PEAK1: variants seen among roughly 807,000 people sequenced by gnomAD.
PEAK1 encodes pseudopodium enriched atypical kinase 1, also known as inactive tyrosine-protein kinase PEAK1.
In PEAK1, 54 loss-of-function variants were observed where a neutral mutation model predicts 124.7. That is an observed-to-expected ratio of 0.43 (90% CI 0.35 to 0.54). The LOEUF (loss-of-function observed/expected upper bound fraction) is 0.54. Ranked by LOEUF, PEAK1 falls within the 20% of genes least tolerant of loss-of-function variation. The pLI, the probability that PEAK1 is intolerant of heterozygous loss-of-function variation, is 0.01. For missense variants in PEAK1, 2,046 were observed against 2,134.5 expected, an observed-to-expected ratio of 0.96 and a Z score of 0.82; for synonymous variants, 719 against 760.0, an observed-to-expected ratio of 0.95 and a Z score of 0.89.
chr15:77,175,074 T>C (rs1485648232), intron 7 of PEAK1, among the ~76,000 whole-genome samples: 1 of 151,848 alleles, frequency 6.6e-6, no homozygotes, highest in Non-Finnish European at 1.5e-5. Context: ...ACTGGATCCC[T>C]TCCTTACACC....
intron 5 of PEAK1, among the ~76,000 whole-genome samples, chr15:77,260,017 C>G (rs1177807189): frequency 9.2e-5 from 14 of 151,936 alleles, no homozygotes; most frequent in Admixed American, 9.2e-4. Context: ...TTTTTTGAGA[C>G]CAGAGAAAAA....
intron 2 of PEAK1, chr15:77,335,879 C>T: frequency 1.0e-6 from 1 of 985,356 alleles, no homozygotes; most frequent in Non-Finnish European, 1.2e-6. Context: ...AACATGCCAT[C>T]CTTCCCACCC....
intron 9 of PEAK1, among the ~76,000 whole-genome samples, chr15:77,127,800 C>G (rs1276672511): frequency 2.0e-5 from 3 of 152,162 alleles, no homozygotes; most frequent in Non-Finnish European, 4.4e-5. Context: ...AACGGTGAGG[C>G]CAGGCGTTGT....
chr15:77,145,448 C>CA (rs199518110), intron 8 of PEAK1, among the ~76,000 whole-genome samples: 34,129 of 137,474 alleles, frequency 0.25, 4,143 homozygotes, highest in Middle Eastern at 0.33. Context: ...GATTCCATCT[C>CA]AAAAAAAAAA....
At chr15:77,372,878 CTCTCTT>C (rs1319830777) in intron 1 of PEAK1, among the ~76,000 whole-genome samples, 1 of 152,092 alleles carries the variant, frequency 6.6e-6, no homozygotes, top group Non-Finnish European at 1.5e-5. Context: ...CTCTCTCTCT[CTCTCTT>C]TATGCCTGCT....
intron 1 of PEAK1, among the ~76,000 whole-genome samples, chr15:77,399,330 T>G (rs1239301754): frequency 6.6e-6 from 1 of 152,108 alleles, no homozygotes; most frequent in Non-Finnish European, 1.5e-5. Flanking sequence ...CTAAAATTTA[T>G]ATGGAACCAC....
chr15:77,114,643 G>C lies in PEAK1; in HGVS notation c.4754C>G (p.Thr1585Ser). The C allele has an allele frequency of 6.2e-7, 1 of 1,613,936 alleles. No homozygotes were observed. The highest frequency in any genetic ancestry group is 8.5e-7 in the Non-Finnish European group (1 of 1,180,000). The change falls in exon 10 of 10, where the codon ACC (threonine) becomes AGC (serine). Residue 1585 changes from threonine (T) to serine (S), a missense_variant. Transcript: ENST00000682557. ...GAACTCATCACACTTTTTATACTGG[G>C]TAGCTGTTATGATCTCTGGGGCAAG... ...SRLAPEIITA[T>S]QYKKCDEFQT...
intron 1 of PEAK1, among the ~76,000 whole-genome samples, chr15:77,382,464 G>A (rs376186624): frequency 4.6e-5 from 7 of 152,190 alleles, no homozygotes; most frequent in African/African-American, 1.4e-4. Flanking sequence ...TGTGAGGCTC[G>A]AGTTCTTCTC....
chr15:77,171,533 G>A (rs963643715), intron 7 of PEAK1, among the ~76,000 whole-genome samples: 5 of 152,060 alleles, frequency 3.3e-5, no homozygotes, highest in African/African-American at 1.2e-4. Flanking sequence ...GGAAAAATGG[G>A]GGAAGAAAAG....
At chr15:77,178,638 A>C (rs1017855990) in intron 7 of PEAK1, 152 bp downstream of exon 7, 1 of 763,194 alleles carries the variant, frequency 1.3e-6, no homozygotes, top group African/African-American at 1.8e-5. Flanking sequence ...ATACTATTCT[A>C]ATCTTGGAAT....
At chr15:77,140,285 G>T (rs1280938729) in intron 8 of PEAK1, among the ~76,000 whole-genome samples, 1 of 129,088 alleles carries the variant, frequency 7.7e-6, no homozygotes, top group African/African-American at 2.7e-5. Flanking sequence ...ACTAGACAAA[G>T]ACATAAAAAG....
chr15:77,412,248 T>C (rs968146480), intron 1 of PEAK1, among the ~76,000 whole-genome samples: 1 of 152,206 alleles, frequency 6.6e-6, no homozygotes, highest in Non-Finnish European at 1.5e-5. Context: ...TGGACCATTC[T>C]TCTCTGAACT....
chr15:77,182,683 T>C (rs1596506037), intron 6 of PEAK1, among the ~76,000 whole-genome samples: 1 of 130,864 alleles, frequency 7.6e-6, no homozygotes, highest in African/African-American at 2.9e-5. Flanking sequence ...GCCTGGGAGG[T>C]GGAGGTTGCA....
intron 6 of PEAK1, among the ~76,000 whole-genome samples, chr15:77,201,858 C>T (rs145566781): frequency 6.6e-6 from 1 of 152,270 alleles, no homozygotes; most frequent in African/African-American, 2.4e-5. Flanking sequence ...TAGCTAGGGG[C>T]ATAAATGACT....
At chr15:77,157,072 TTCCCAAAAAGAGATATTAAAGTATTATC>T in intron 8 of PEAK1, 2 of 152,358 alleles carry the variant, frequency 1.3e-5, no homozygotes, top group Non-Finnish European at 2.9e-5. Context: ...ATGATTGTGT[TTCCCAAAAAGAGATATTAAAGTATTATC>T]TCCCACAGTG....
chr15:77,379,119 A>G (rs1279921027), intron 1 of PEAK1, among the ~76,000 whole-genome samples: 3 of 152,220 alleles, frequency 2.0e-5, no homozygotes, highest in African/African-American at 7.2e-5. Context: ...AGGTAACAAG[A>G]AAGAAGAAAA....
At chr15:77,352,763 G>A (rs1468280006) in intron 2 of PEAK1, 2 of 967,576 alleles carry the variant, frequency 2.1e-6, no homozygotes, top group East Asian at 1.1e-4. Flanking sequence ...CTATAAGACA[G>A]ACATACAAAA....
At chr15:77,370,082 T>C (rs2068536502) in intron 1 of PEAK1, among the ~76,000 whole-genome samples, 2 of 151,992 alleles carry the variant, frequency 1.3e-5, no homozygotes, top group Non-Finnish European at 1.5e-5. Context: ...CCCCACTTCA[T>C]CTCCCCACTT....
intron 7 of PEAK1, among the ~76,000 whole-genome samples, chr15:77,174,463 T>G (rs1313532139): frequency 6.6e-6 from 1 of 152,158 alleles, no homozygotes; most frequent in East Asian, 1.9e-4. Flanking sequence ...GTTTTCCTTA[T>G]CAAAGTTGCT....
Sources: gnomAD v4.1 joint callset for allele counts (sites outside exome capture counted in the v4.1 genomes callset) on GRCh38, gnomAD v4.1.1 for gene constraint, MANE v1.5 for transcripts, NCBI Gene and HGNC (gene_info 2026-07-23, HGNC 2026-07-21) for gene names.